SNTG1: variants seen among roughly 807,000 people sequenced by gnomAD.
SNTG1 encodes the protein gamma-1-syntrophin.
A neutral mutation model predicts 74.7 loss-of-function variants in SNTG1; 39 were observed. The ratio of observed to expected loss-of-function variants is 0.52; its 90% CI spans 0.40 to 0.68. The LOEUF (loss-of-function observed/expected upper bound fraction) is 0.68. SNTG1 is among the 30% of genes least tolerant of loss of function. The pLI, the probability that SNTG1 is intolerant of heterozygous loss-of-function variation, is 0.00. For synonymous variants in SNTG1, 254 were observed against 217.1 expected (o/e 1.17, Z -1.49); for missense variants, 685 against 609.5 (o/e 1.12, Z -1.30).
At chr8:50,471,870 T>A (rs1430646803) in intron 8 of SNTG1, among the ~76,000 whole-genome samples, 1 of 152,156 alleles carries the variant, frequency 6.6e-6, no homozygotes, top group Non-Finnish European at 1.5e-5. Context: ...GTTGGCAGAT[T>A]GAAAATTGAC....
At chr8:50,063,703 C>CT (rs888864091) in intron 1 of SNTG1, among the ~76,000 whole-genome samples, 150 of 146,028 alleles carry the variant, frequency 1.0e-3, no homozygotes, top group South Asian at 7.1e-3. Context: ...GAAACCATTG[C>CT]TTTTTTTTTT....
At chr8:50,194,558 T>C (rs1020860266) in intron 2 of SNTG1, among the ~76,000 whole-genome samples, 7 of 152,138 alleles carry the variant, frequency 4.6e-5, no homozygotes, top group African/African-American at 1.7e-4. Flanking sequence ...TTTTCTCTCT[T>C]CTTTTCTTGG....
chr8:50,673,775 C>A (rs1415189425), intron 15 of SNTG1, among the ~76,000 whole-genome samples: 3 of 152,136 alleles, frequency 2.0e-5, no homozygotes, highest in African/African-American at 7.2e-5. Flanking sequence ...GGGAATGCTT[C>A]CAGCTTTTGC....
rs36012475 is a variant in SNTG1, at chr8:50,644,919, C to CTT, written c.850-11974_850-11973dup. 9.7e-3 allele frequency among the ~76,000 whole-genome samples: 1,322 copies of CTT among 135,686 alleles called. 30 individuals carry two copies. The highest frequency in any genetic ancestry group is 0.033 in the African/African-American group (1,222 of 37,080). The allele number at this position is 135,686 out of a possible 152,430, so 89.0% of individuals were successfully genotyped here. On this transcript the variant is annotated intron_variant, in intron 13 of 18. Transcript: ENST00000642720. ...AAGAAACACTTGCTATGCCCAGGTG[C>CTT]TTTTTTTTTTTTTTTTTCCTACAGA... is the stretch of plus-strand genomic sequence containing the variant.
At chr8:50,570,591 G>GTTGTTGTTATTATTATTATTATTA (rs137977278) in intron 12 of SNTG1, among the ~76,000 whole-genome samples, 1 of 130,162 alleles carries the variant, frequency 7.7e-6, no homozygotes, top group East Asian at 2.3e-4. Flanking sequence ...TATTATTGTT[G>GTTGTTGTTATTATTATTATTATTA]TTATTATTAT....
intron 2 of SNTG1, among the ~76,000 whole-genome samples, chr8:50,357,198 C>T (rs1263952232): frequency 6.6e-6 from 1 of 152,126 alleles, no homozygotes; most frequent in Admixed American, 6.6e-5. Flanking sequence ...GTCACCAGGG[C>T]TCTGCAAATG....
intron 12 of SNTG1, among the ~76,000 whole-genome samples, chr8:50,587,169 A>G (rs892440496): frequency 2.7e-5 from 4 of 150,574 alleles, no homozygotes; most frequent in African/African-American, 9.7e-5. Context: ...AAATTTATAT[A>G]TGTTTAATAT....
intron 1 of SNTG1, among the ~76,000 whole-genome samples, chr8:49,919,639 A>C (rs534176863): frequency 6.6e-6 from 1 of 152,242 alleles, no homozygotes; most frequent in African/African-American, 2.4e-5. Flanking sequence ...GTGTCCTTTT[A>C]CTATATTATT....
intron 1 of SNTG1, among the ~76,000 whole-genome samples, chr8:49,990,524 A>G (rs1433897861): frequency 1.3e-5 from 2 of 152,114 alleles, no homozygotes; most frequent in Non-Finnish European, 2.9e-5. Flanking sequence ...TACTTCTTGT[A>G]TATATGTATT....
At chr8:49,937,064 G>A (rs1020829960) in intron 1 of SNTG1, among the ~76,000 whole-genome samples, 4 of 152,152 alleles carry the variant, frequency 2.6e-5, no homozygotes, top group Admixed American at 2.0e-4. Context: ...CAGGAGAACC[G>A]CTTGAACCCG....
At chr8:50,502,031 T>C (rs946164251) in intron 8 of SNTG1, among the ~76,000 whole-genome samples, 7 of 152,146 alleles carry the variant, frequency 4.6e-5, no homozygotes, top group Non-Finnish European at 8.8e-5. Flanking sequence ...ACATGGCTTA[T>C]ATTTTTGGAT....
intron 1 of SNTG1, among the ~76,000 whole-genome samples, chr8:50,103,358 G>A (rs1049598201): frequency 2.0e-5 from 3 of 152,072 alleles, no homozygotes; most frequent in African/African-American, 7.2e-5. Flanking sequence ...TTGGCTCTCT[G>A]TTTGTCTGTT....
chr8:50,145,572 G>T (rs1351646389), intron 1 of SNTG1, among the ~76,000 whole-genome samples: 1 of 152,124 alleles, frequency 6.6e-6, no homozygotes, highest in African/African-American at 2.4e-5. Flanking sequence ...AAGCCTGACT[G>T]CATTTACTGT....
intron 2 of SNTG1, among the ~76,000 whole-genome samples, chr8:50,317,867 C>T (rs993746678): frequency 2.6e-5 from 4 of 151,982 alleles, no homozygotes; most frequent in Admixed American, 6.6e-5. Context: ...GACAGAGTCT[C>T]GCTCTGTCGC....
At chr8:49,971,746 G>A (rs1275284722) in intron 1 of SNTG1, among the ~76,000 whole-genome samples, 1 of 152,122 alleles carries the variant, frequency 6.6e-6, no homozygotes. Flanking sequence ...GCCAAATCAT[G>A]AGTGAACTCC....
chr8:50,124,302 GC>G (rs1284260514), intron 1 of SNTG1, among the ~76,000 whole-genome samples: 1 of 141,956 alleles, frequency 7.0e-6, no homozygotes, highest in Admixed American at 7.2e-5. Context: ...CAGAGTTCCA[GC>G]CTCTAGAATG....
chr8:50,271,027 A>T (rs2087750474), intron 2 of SNTG1, among the ~76,000 whole-genome samples: 1 of 152,200 alleles, frequency 6.6e-6, no homozygotes, highest in Non-Finnish European at 1.5e-5. Context: ...GATGAATCTG[A>T]TTATTTTTTC....
intron 1 of SNTG1, among the ~76,000 whole-genome samples, chr8:50,087,718 C>A (rs1161332536): frequency 6.6e-6 from 1 of 152,016 alleles, no homozygotes; most frequent in South Asian, 2.1e-4. Flanking sequence ...ATTAGACAGA[C>A]AACTATGGGC....
At chr8:50,541,518 T>G (rs911091333) in intron 11 of SNTG1, among the ~76,000 whole-genome samples, 3 of 152,116 alleles carry the variant, frequency 2.0e-5, no homozygotes, top group Non-Finnish European at 4.4e-5. Flanking sequence ...TATATAACCT[T>G]ATTTAATTCA....
Sources: gnomAD v4.1 joint callset for allele counts (sites outside exome capture counted in the v4.1 genomes callset) on GRCh38, gnomAD v4.1.1 for gene constraint, MANE v1.5 for transcripts, NCBI Gene and HGNC (gene_info 2026-07-23, HGNC 2026-07-21) for gene names.